The following ADAMTSL3 variants were observed in gnomAD, a reference collection of about 807,000 sequenced individuals.
The protein encoded by ADAMTSL3 is ADAMTS-like protein 3.
A neutral mutation model predicts 201.7 loss-of-function variants in ADAMTSL3; 128 were observed. That is an observed-to-expected ratio of 0.63 (90% CI 0.55 to 0.73). The LOEUF (loss-of-function observed/expected upper bound fraction) is 0.73, where lower values mean the gene tolerates loss of function less well. ADAMTSL3 is among the 30% of genes least tolerant of loss of function. ADAMTSL3 has a pLI of 0.00. For missense variants in ADAMTSL3, 1,990 were observed against 2,119.6 expected (o/e 0.94, Z 1.20); for synonymous variants, 738 against 748.4 (o/e 0.99, Z 0.23).
At chr15:83,975,227 C>A (rs2067266331) in intron 20 of ADAMTSL3, among the ~76,000 whole-genome samples, 1 of 151,996 alleles carries the variant, frequency 6.6e-6, no homozygotes, top group African/African-American at 2.4e-5. Context: ...TGGTCTTGAT[C>A]TCCTGACCTT....
At chr15:83,746,384 T>C (rs942750729) in intron 3 of ADAMTSL3, among the ~76,000 whole-genome samples, 8 of 151,750 alleles carry the variant, frequency 5.3e-5, no homozygotes, top group Non-Finnish European at 1.5e-5. Flanking sequence ...TGTTGACTTA[T>C]GATTCACCAC....
chr15:83,691,047 T>C (rs2061601976), intron 2 of ADAMTSL3, among the ~76,000 whole-genome samples: 1 of 152,178 alleles, frequency 6.6e-6, no homozygotes, highest in South Asian at 2.1e-4. Context: ...CTGAGCTGAG[T>C]GTGGCTCTAT....
chr15:84,033,958 T>C (rs2068452768), intron 28 of ADAMTSL3, among the ~76,000 whole-genome samples: 1 of 152,180 alleles, frequency 6.6e-6, no homozygotes, highest in Admixed American at 6.5e-5. Context: ...TTTTTAATAA[T>C]GGAAGAAAAT....
At chr15:83,817,830 G>A (rs2063792948) in intron 5 of ADAMTSL3, among the ~76,000 whole-genome samples, 1 of 152,142 alleles carries the variant, frequency 6.6e-6, no homozygotes, top group East Asian at 1.9e-4. Flanking sequence ...TGAATCACTT[G>A]AGGTCAGAAG....
At chr15:83,903,100 T>C (rs1171995351) in intron 15 of ADAMTSL3, among the ~76,000 whole-genome samples, 1 of 152,122 alleles carries the variant, frequency 6.6e-6, no homozygotes, top group African/African-American at 2.4e-5. Context: ...AAATACCATT[T>C]TTGAAATGCT....
At chr15:83,902,948 A>G (rs1237984991) in intron 15 of ADAMTSL3, among the ~76,000 whole-genome samples, 1 of 152,182 alleles carries the variant, frequency 6.6e-6, no homozygotes, top group African/African-American at 2.4e-5. Context: ...AGTATCAACA[A>G]TTATCAACCC....
At position 83,804,664 on chromosome 15, in the gene ADAMTSL3, A is replaced by G; in HGVS notation, c.332A>G (p.Gln111Arg). 6.3e-7 allele frequency: 1 copy of G among 1,587,858 alleles called. No homozygotes were observed. Among genetic ancestry groups the G allele is most frequent in the South Asian group, 1.2e-5 (1 of 84,746 alleles). Reference protein sequence around the residue: ...RCLTGRNCEGQNIRYKTCSNH... With the variant: ...RCLTGRNCEGRNIRYKTCSNH... ...TTTTCCTTTAGGAATTGTGAAGGGC[A>G]GAACATTCGGTACAAGACATGCAGC... The change falls in exon 5 of 30, where the codon CAG becomes CGG. Residue 111 changes from glutamine (Q) to arginine (R), a missense_variant. Physicochemically the swap from Gln to Arg is conservative, Grantham distance 43. Coordinates refer to ENST00000286744, the MANE Select transcript of ADAMTSL3 (RefSeq NM_207517.3).
chr15:83,874,900 C>T (rs1027622177), intron 9 of ADAMTSL3, among the ~76,000 whole-genome samples: 1 of 145,516 alleles, frequency 6.9e-6, no homozygotes, highest in Non-Finnish European at 1.5e-5. Context: ...ATGTGATCTC[C>T]GGAAGCCCGG....
At chr15:83,828,677 T>A (rs1193970905) in intron 6 of ADAMTSL3, among the ~76,000 whole-genome samples, 2 of 152,182 alleles carry the variant, frequency 1.3e-5, no homozygotes, top group Admixed American at 1.3e-4. Context: ...CATAGATAGC[T>A]CTTATTATTT....
intron 17 of ADAMTSL3, among the ~76,000 whole-genome samples, chr15:83,939,373 T>C (rs1202655869): frequency 6.6e-6 from 1 of 152,184 alleles, no homozygotes; most frequent in Admixed American, 6.5e-5. Context: ...CAAATTTAAC[T>C]TAATAGATAT....
intron 3 of ADAMTSL3, among the ~76,000 whole-genome samples, chr15:83,763,683 A>T (rs1053163445): frequency 1.4e-4 from 22 of 151,772 alleles, no homozygotes; most frequent in African/African-American, 4.1e-4. Flanking sequence ...TTTTTTGTAT[A>T]TTTAGTAGAG....
intron 23 of ADAMTSL3, among the ~76,000 whole-genome samples, chr15:84,013,307 G>C (rs1186198420): frequency 6.6e-6 from 1 of 152,204 alleles, no homozygotes; most frequent in Non-Finnish European, 1.5e-5. Flanking sequence ...GTGTCACCAT[G>C]TTCATGGAGC....
At chr15:83,743,327 C>T (rs1011758938) in intron 3 of ADAMTSL3, among the ~76,000 whole-genome samples, 7 of 151,888 alleles carry the variant, frequency 4.6e-5, no homozygotes, top group Non-Finnish European at 5.9e-5. Context: ...TCCTGGCTAA[C>T]AAGGTGAAAC....
intron 28 of ADAMTSL3, among the ~76,000 whole-genome samples, chr15:84,033,658 C>CA (rs1413445376): frequency 6.6e-6 from 1 of 152,030 alleles, no homozygotes; most frequent in African/African-American, 2.4e-5. Flanking sequence ...GACTCTATCT[C>CA]AAAAAAACAA....
At chr15:83,889,409 C>A (rs2141882833) in intron 10 of ADAMTSL3, among the ~76,000 whole-genome samples, 1 of 152,298 alleles carries the variant, frequency 6.6e-6, no homozygotes, top group Admixed American at 6.5e-5. Flanking sequence ...TTCAACCCAG[C>A]AACCACCCAG....
At chr15:83,929,109 C>T (rs2066301119) in intron 17 of ADAMTSL3, among the ~76,000 whole-genome samples, 3 of 152,186 alleles carry the variant, frequency 2.0e-5, no homozygotes, top group South Asian at 2.1e-4. Context: ...TTCTAAGTTG[C>T]AAAATGACTG....
chr15:84,011,945 G>A (rs1444560158), intron 23 of ADAMTSL3, among the ~76,000 whole-genome samples: 1 of 152,110 alleles, frequency 6.6e-6, no homozygotes, highest in Non-Finnish European at 1.5e-5. Context: ...AAATTGTATT[G>A]GTATAAATCT....
chr15:83,767,834 G>A lies in ADAMTSL3; in HGVS notation c.190-5689G>A, dbSNP rs188867358. Among the ~76,000 whole-genome samples, 4 of 152,302 alleles carry A rather than the reference G, an allele frequency of 2.6e-5. No homozygotes were observed. In the East Asian group the frequency reaches 5.8e-4, roughly 22 times the overall value. ...CACAGACTCCAAGTCTGATTAGTTG[G>A]CTGCTTACTTGGCATTATGGTCGGC... On this transcript the variant is annotated intron_variant, in intron 3 of 29. Transcript: ENST00000286744.
intron 19 of ADAMTSL3, among the ~76,000 whole-genome samples, chr15:83,955,273 G>A (rs1475636153): frequency 6.6e-6 from 1 of 152,164 alleles, no homozygotes; most frequent in Non-Finnish European, 1.5e-5. Flanking sequence ...TCCACAGGCA[G>A]AGGAGCTCTC....
Sources: gnomAD v4.1 joint callset for allele counts (sites outside exome capture counted in the v4.1 genomes callset) on GRCh38, gnomAD v4.1.1 for gene constraint, MANE v1.5 for transcripts, NCBI Gene and HGNC (gene_info 2026-07-23, HGNC 2026-07-21) for gene names.